Variants in ARHGAP44 observed in about 807,000 individuals in gnomAD.
ARHGAP44 encodes the protein Rho GTPase activating protein 44, also known as rho GTPase-activating protein 44.
In ARHGAP44, 43 loss-of-function variants were observed where a neutral mutation model predicts 106.8. The ratio of observed to expected loss-of-function variants is 0.40; its 90% CI spans 0.32 to 0.52. ARHGAP44 has a LOEUF of 0.52. Among genes scored for constraint, ARHGAP44 ranks in the 20% least tolerant of loss-of-function variants. The pLI, the probability that ARHGAP44 is intolerant of heterozygous loss-of-function variation, is 0.48. For synonymous variants in ARHGAP44, 439 were observed against 410.3 expected (o/e 1.07, Z -0.85); for missense variants, 866 against 1,050.5 (o/e 0.82, Z 2.43).
In ARHGAP44 at chr17:12,789,709, C is replaced by A. The variant is rs1056401696; in HGVS notation, c.-130C>A. 2.6e-6 allele frequency: 2 copies of A among 771,104 alleles called. No homozygotes were observed. Among genetic ancestry groups the A allele is most frequent in the African/African-American group, 3.7e-5 (2 of 54,274 alleles). The allele number at this position is 771,104 out of a possible 1,614,324, so 47.8% of individuals were successfully genotyped here. On this transcript the variant is annotated 5_prime_UTR_variant, in exon 1 of 21. Transcript: ENST00000379672. ...AGGGAGCTGCGCGCGGGCCAGACGGCGCCCGGAGGCTCCGCAGTGCCGCCG... is the reference window on the plus strand; with the variant it reads ...AGGGAGCTGCGCGCGGGCCAGACGGAGCCCGGAGGCTCCGCAGTGCCGCCG...
chr17:12,979,997 G>A (rs1335339723), intron 18 of ARHGAP44, 61 bp from the exon 19 acceptor site: 13 of 1,506,608 alleles, frequency 8.6e-6, no homozygotes, highest in Non-Finnish European at 1.2e-5. Context: ...CATCGGCAAG[G>A]CTGGTGCTGC....
chr17:12,909,501 G>A (rs2037659921), intron 4 of ARHGAP44, among the ~76,000 whole-genome samples: 1 of 152,050 alleles, frequency 6.6e-6, no homozygotes, highest in South Asian at 2.1e-4. Context: ...AAAAGAATAG[G>A]CGGGATTGAA....
chr17:12,847,157 A>G (rs1051214227), intron 1 of ARHGAP44, among the ~76,000 whole-genome samples: 1 of 152,230 alleles, frequency 6.6e-6, no homozygotes, highest in Non-Finnish European at 1.5e-5. Flanking sequence ...GCATAGCAGT[A>G]TAGGCTGATT....
intron 16 of ARHGAP44, among the ~76,000 whole-genome samples, chr17:12,969,660 T>C (rs545476164): frequency 6.6e-6 from 1 of 152,226 alleles, no homozygotes; most frequent in Admixed American, 6.5e-5. Context: ...TCCATCAAGG[T>C]GTTGTCTGAT....
At chr17:12,985,961 T>C (rs1490407375) in intron 20 of ARHGAP44, 1 of 152,150 alleles carries the variant, frequency 6.6e-6, no homozygotes. Context: ...TTTGTGATAA[T>C]GCACTTTTCC....
chr17:12,799,792 G>A (rs949830957), intron 1 of ARHGAP44, among the ~76,000 whole-genome samples: 1 of 152,202 alleles, frequency 6.6e-6, no homozygotes, highest in Non-Finnish European at 1.5e-5. Flanking sequence ...ACCACACCAG[G>A]CTAATTTTTG....
chr17:12,806,093 A>G (rs948213357), intron 1 of ARHGAP44, among the ~76,000 whole-genome samples: 5 of 152,182 alleles, frequency 3.3e-5, no homozygotes, highest in South Asian at 4.1e-4. Context: ...GGCGTACACT[A>G]TATCTGCTGT....
At chr17:12,817,943 G>A (rs2034644600) in intron 1 of ARHGAP44, among the ~76,000 whole-genome samples, 2 of 151,872 alleles carry the variant, frequency 1.3e-5, no homozygotes, top group South Asian at 4.1e-4. Flanking sequence ...AAACATTTGA[G>A]GGAATAACAC....
chr17:12,861,094 G>A (rs1244648029), intron 1 of ARHGAP44, among the ~76,000 whole-genome samples: 1 of 152,054 alleles, frequency 6.6e-6, no homozygotes, highest in Non-Finnish European at 1.5e-5. Context: ...GGACTCAAAT[G>A]ATCTGCCCAC....
chr17:12,852,277 C>CTTT lies in ARHGAP44; in HGVS notation c.54-42647_54-42645dup, dbSNP rs66824907. Reference sequence around the variant, plus strand: ...CACCACTAAATCTTCACTTTTGAAGCTTTTTTTTTTTTTTTTTTGGTCAGT... The same window carrying CTTT: ...CACCACTAAATCTTCACTTTTGAAGCTTTTTTTTTTTTTTTTTTTTTGGTCAGT... On this transcript the variant is annotated intron_variant, in intron 1 of 20. Transcript: ENST00000379672. Among the ~76,000 whole-genome samples, 112 of 73,560 alleles carry CTTT rather than the reference C, an allele frequency of 1.5e-3. 7 individuals carry two copies. The East Asian group carries it at 0.024, about 16-fold the overall frequency. The allele number at this position is 73,560 out of a possible 152,430, so 48.3% of individuals were successfully genotyped here.
At chr17:12,867,894 A>T (rs189126028) in intron 1 of ARHGAP44, among the ~76,000 whole-genome samples, 18 of 152,274 alleles carry the variant, frequency 1.2e-4, no homozygotes, top group African/African-American at 3.9e-4. Flanking sequence ...TAGAGAGGTG[A>T]TGTGGTTAGT....
At chr17:12,976,468 C>T (rs2039684971) in intron 18 of ARHGAP44, among the ~76,000 whole-genome samples, 1 of 151,862 alleles carries the variant, frequency 6.6e-6, no homozygotes, top group South Asian at 2.1e-4. Flanking sequence ...CAAAAATTAG[C>T]TGGGTGCAGT....
intron 14 of ARHGAP44, 94 bp from the exon 15 acceptor site, chr17:12,956,561 C>A: frequency 1.9e-6 from 2 of 1,037,200 alleles, no homozygotes; most frequent in Admixed American, 2.0e-5. Flanking sequence ...CAGTCCAGGG[C>A]CCCTTCCTGG....
chr17:12,855,470 C>T (rs1471364001), intron 1 of ARHGAP44, among the ~76,000 whole-genome samples: 2 of 151,830 alleles, frequency 1.3e-5, no homozygotes, highest in South Asian at 2.1e-4. Flanking sequence ...GCCTTTCTCA[C>T]CATAAGATTC....
chr17:12,813,689 G>A (rs183775266), intron 1 of ARHGAP44, among the ~76,000 whole-genome samples: 3 of 152,228 alleles, frequency 2.0e-5, no homozygotes, highest in East Asian at 1.9e-4. Context: ...GACTTGGCAC[G>A]TCCCCCACCA....
intron 1 of ARHGAP44, among the ~76,000 whole-genome samples, chr17:12,876,301 A>G (rs1438315998): frequency 6.6e-6 from 1 of 152,110 alleles, no homozygotes; most frequent in Non-Finnish European, 1.5e-5. Flanking sequence ...CGAAAACCAC[A>G]GGAAAGGCTT....
intron 1 of ARHGAP44, among the ~76,000 whole-genome samples, chr17:12,848,388 C>G (rs1001597053): frequency 8.6e-5 from 13 of 151,492 alleles, no homozygotes; most frequent in Admixed American, 2.6e-4. Context: ...GTTAATTCTG[C>G]ATGATAACAC....
At chr17:12,903,140 A>AGAGAGTGT (rs1403029479) in intron 3 of ARHGAP44, among the ~76,000 whole-genome samples, 73 of 57,578 alleles carry the variant, frequency 1.3e-3, no homozygotes, top group African/African-American at 4.1e-3. Flanking sequence ...AGAGAGAGAG[A>AGAGAGTGT]GTGTGTGTGT....
At chr17:12,946,624 C>T (rs1269822855) in intron 10 of ARHGAP44, among the ~76,000 whole-genome samples, 2 of 151,928 alleles carry the variant, frequency 1.3e-5, no homozygotes, top group African/African-American at 2.4e-5. Flanking sequence ...CATGGTGAAA[C>T]CCCGTCTCTA....
Sources: gnomAD v4.1 joint callset for allele counts (sites outside exome capture counted in the v4.1 genomes callset) on GRCh38, gnomAD v4.1.1 for gene constraint, MANE v1.5 for transcripts, NCBI Gene and HGNC (gene_info 2026-07-23, HGNC 2026-07-21) for gene names.